ANKRD36: variants seen among roughly 807,000 people sequenced by gnomAD.
ANKRD36 encodes the protein ankyrin repeat domain-containing protein 36A.
Under a neutral mutation model 278.1 loss-of-function variants are expected in ANKRD36, and 179 were observed. That is an observed-to-expected ratio of 0.64 (90% CI 0.57 to 0.73). The LOEUF (loss-of-function observed/expected upper bound fraction) is 0.73, where lower values mean the gene tolerates loss of function less well. Among genes scored for constraint, ANKRD36 ranks in the 30% least tolerant of loss-of-function variants. ANKRD36 has a pLI of 0.00. For missense variants in ANKRD36, 1,159 were observed against 1,956.7 expected (o/e 0.59, Z 7.69); for synonymous variants, 320 against 641.1 (o/e 0.50, Z 7.57).
intron 22 of ANKRD36, among the ~76,000 whole-genome samples, chr2:97,177,542 A>T (rs1314644157): frequency 6.6e-6 from 1 of 152,028 alleles, no homozygotes; most frequent in Non-Finnish European, 1.5e-5. Flanking sequence ...CAGCTACCTG[A>T]TCTTTGACAA....
At chr2:97,250,394 G>A (rs374855587) in intron 75 of ANKRD36, among the ~76,000 whole-genome samples, 5 of 143,450 alleles carry the variant, frequency 3.5e-5, no homozygotes, top group East Asian at 5.5e-4. Flanking sequence ...TAAAAAAATC[G>A]CAAGAAATCT....
intron 1 of ANKRD36, among the ~76,000 whole-genome samples, chr2:97,115,766 G>A (rs555859493): frequency 9.9e-5 from 15 of 151,620 alleles, no homozygotes; most frequent in Non-Finnish European, 1.9e-4. Flanking sequence ...CTGTAAAAAT[G>A]TATGTGCCCT....
intron 58 of ANKRD36, among the ~76,000 whole-genome samples, chr2:97,212,084 A>T (rs2064815186): frequency 6.6e-6 from 1 of 151,868 alleles, no homozygotes; most frequent in Admixed American, 6.6e-5. Context: ...TAGATATTAG[A>T]GGCGTCAGAT....
chr2:97,224,041 TTAGATA>T (rs1266567020), intron 66 of ANKRD36, among the ~76,000 whole-genome samples: 1 of 151,800 alleles, frequency 6.6e-6, no homozygotes, highest in African/African-American at 2.4e-5. Context: ...GGAAAATATT[TTAGATA>T]TAAAGAAGAG....
At chr2:97,180,031 G>C in intron 24 of ANKRD36, 98 bp downstream of exon 24, 1 of 1,552,382 alleles carries the variant, frequency 6.4e-7, no homozygotes, top group South Asian at 1.1e-5. Context: ...TAAGCTGCAC[G>C]TTCTGATTCA....
chr2:97,184,331 C>T lies in ANKRD36; in HGVS notation c.1939+677C>T, dbSNP rs146189116. Among the ~76,000 whole-genome samples the T allele has an allele frequency of 9.9e-3, 1,508 of 151,738 alleles. 27 individuals are homozygous for T. The highest frequency in any genetic ancestry group is 0.034 in the African/African-American group (1,410 of 41,418). On this transcript the variant is annotated intron_variant, in intron 28 of 75. Coordinates refer to ENST00000420699, the MANE Select transcript of ANKRD36 (RefSeq NM_001354587.1). Reference sequence around the variant, plus strand: ...CTCATTCCTGTTTATTAGTATCAGGCATCAGACATATATTTTTTTTTAGTT... The same window carrying T: ...CTCATTCCTGTTTATTAGTATCAGGTATCAGACATATATTTTTTTTTAGTT...
intron 36 of ANKRD36, 112 bp downstream of exon 36, chr2:97,191,293 G>T: frequency 8.1e-7 from 1 of 1,229,574 alleles, no homozygotes; most frequent in Non-Finnish European, 1.1e-6. Flanking sequence ...TCATTCAGCT[G>T]TCCTGAGATT....
chr2:97,124,505 C>A lies in ANKRD36; in HGVS notation c.639C>A (p.Val213=). Residue 213 remains valine, a synonymous_variant, in exon 5 of 76, where the codon GTC becomes GTA. Transcript: ENST00000420699. ...TTACTCTTGGAGAAAAAGATATAGT[C>A]ATTCTTCTTCTGCAGCACAATATTG... The part of the protein sequence containing the change: ...HAVTLGEKDI[V]ILLLQHNIDV... The A allele has an allele frequency of 6.4e-7, 1 of 1,552,176 alleles. No homozygotes were observed.
intron 52 of ANKRD36, among the ~76,000 whole-genome samples, chr2:97,207,576 C>T (rs1371643020): frequency 6.6e-6 from 1 of 151,396 alleles, no homozygotes; most frequent in Non-Finnish European, 1.5e-5. Context: ...TTTAGTTTTT[C>T]ACATATGACA....
intron 66 of ANKRD36, among the ~76,000 whole-genome samples, chr2:97,220,085 G>T (rs1242864413): frequency 9.2e-6 from 1 of 109,264 alleles, no homozygotes; most frequent in Non-Finnish European, 1.7e-5. Context: ...GTGTGTGTGT[G>T]TTTTATTTTT....
chr2:97,139,294 A>T (rs536104445), intron 6 of ANKRD36, among the ~76,000 whole-genome samples: 3 of 151,544 alleles, frequency 2.0e-5, no homozygotes, highest in South Asian at 4.2e-4. Context: ...CTTGAATTAA[A>T]TTTTTTTTTA....
chr2:97,196,708 C>G lies in ANKRD36; in HGVS notation c.2581-8C>G, dbSNP rs1224249266. The G allele has an allele frequency of 1.4e-5, 22 of 1,568,732 alleles. No individual in the cohort carries two copies. The highest frequency in any genetic ancestry group is 1.8e-5 in the Non-Finnish European group (21 of 1,160,792). On this transcript the variant is annotated splice_polypyrimidine_tract_variant and splice_region_variant and intron_variant, in intron 41 of 75. Transcript: ENST00000420699. ...TTTATTTATTATTTCGTTTCAAATTCCATTCAGGGTACAAGTGACGAGGAA... is the reference window on the plus strand; with the variant it reads ...TTTATTTATTATTTCGTTTCAAATTGCATTCAGGGTACAAGTGACGAGGAA...
In ANKRD36 at chr2:97,131,892, G is replaced by A. The variant is rs13018858; in HGVS notation, c.799+4758G>A. 5.8e-3 allele frequency among the ~76,000 whole-genome samples: 863 copies of A among 149,248 alleles called. 9 individuals carry two copies. The highest frequency in any genetic ancestry group is 9.0e-3 in the Non-Finnish European group (607 of 67,406). Reference sequence around the variant, plus strand: ...TGCCCAGGCTGGAGTGCAGTGGCACGATCTCGGCTCACTGCAAACTCTGCC... The same window carrying A: ...TGCCCAGGCTGGAGTGCAGTGGCACAATCTCGGCTCACTGCAAACTCTGCC... On this transcript the variant is annotated intron_variant, in intron 6 of 75. Coordinates refer to ENST00000420699, the MANE Select transcript of ANKRD36 (RefSeq NM_001354587.1).
intron 42 of ANKRD36, 148 bp downstream of exon 42, chr2:97,196,936 A>T: frequency 7.7e-7 from 1 of 1,307,030 alleles, no homozygotes; most frequent in Non-Finnish European, 1.0e-6. Context: ...TTCTTGGGTG[A>T]TGCTGATGCT....
At chr2:97,126,194 T>C (rs1418547174) in intron 5 of ANKRD36, among the ~76,000 whole-genome samples, 5 of 136,306 alleles carry the variant, frequency 3.7e-5, no homozygotes, top group African/African-American at 1.4e-4. Context: ...TCAACTTGCA[T>C]CTACTTCATG....
At chr2:97,136,266 A>T (rs1269770224) in intron 6 of ANKRD36, among the ~76,000 whole-genome samples, 1 of 150,274 alleles carries the variant, frequency 6.7e-6, no homozygotes. Flanking sequence ...TGGAGAATAC[A>T]TGGATGTTCC....
At chr2:97,203,127 C>T (rs1480291811) in intron 48 of ANKRD36, among the ~76,000 whole-genome samples, 6 of 151,768 alleles carry the variant, frequency 4.0e-5, no homozygotes, top group Non-Finnish European at 8.8e-5. Flanking sequence ...AATCTGAATA[C>T]ATTGGTTTCC....
intron 47 of ANKRD36, 38 bp from the exon 48 acceptor site, chr2:97,202,283 C>T (rs1480332933): frequency 1.9e-6 from 3 of 1,601,282 alleles, no homozygotes; most frequent in East Asian, 4.5e-5. Flanking sequence ...GTCTATGAAA[C>T]ATACTTTATT....
intron 35 of ANKRD36, 25 bp from the exon 36 acceptor site, chr2:97,191,084 T>A: frequency 1.3e-6 from 2 of 1,591,498 alleles, no homozygotes; most frequent in Non-Finnish European, 1.7e-6. Context: ...TATTTATTTA[T>A]TACTTTCTTT....
Sources: gnomAD v4.1 joint callset for allele counts (sites outside exome capture counted in the v4.1 genomes callset) on GRCh38, gnomAD v4.1.1 for gene constraint, MANE v1.5 for transcripts, NCBI Gene and HGNC (gene_info 2026-07-23, HGNC 2026-07-21) for gene names.